TNFRSF1B: variants seen among roughly 807,000 people sequenced by gnomAD.
TNFRSF1B encodes tumor necrosis factor receptor superfamily member 1B.
In TNFRSF1B, 19 loss-of-function variants were observed where a neutral mutation model predicts 44.6. The ratio of observed to expected loss-of-function variants is 0.43; its 90% CI spans 0.30 to 0.62. TNFRSF1B has a LOEUF of 0.62. TNFRSF1B is among the 20% of genes least tolerant of loss of function. The probability of loss-of-function intolerance (pLI) is 0.16; values close to 1 mark genes in which losing one functional copy is unlikely to be tolerated. For missense variants in TNFRSF1B, 541 were observed against 619.9 expected, an observed-to-expected ratio of 0.87 and a Z score of 1.35; for synonymous variants, 252 against 261.1, an observed-to-expected ratio of 0.97 and a Z score of 0.34.
rs190536680 is a variant in TNFRSF1B at position 12,202,651 on chromosome 1, C to T, written c.1105+480C>T. Among the ~76,000 whole-genome samples, 16 of 152,342 alleles carry T rather than the reference C, an allele frequency of 1.1e-4. No homozygotes were observed. In the East Asian group the frequency reaches 2.7e-3, roughly 26 times the overall value. On this transcript the variant is annotated intron_variant, in intron 9 of 9. Coordinates refer to ENST00000376259, the MANE Select transcript of TNFRSF1B (RefSeq NM_001066.3). ...GCTACTGATAATTAATCATAACAATCGCTTCTACTTATGGAAGGCTACGGA... is the reference window on the plus strand; with the variant it reads ...GCTACTGATAATTAATCATAACAATTGCTTCTACTTATGGAAGGCTACGGA...
At chr1:12,203,101 T>A (rs951818308) in intron 9 of TNFRSF1B, among the ~76,000 whole-genome samples, 2 of 152,250 alleles carry the variant, frequency 1.3e-5, no homozygotes, top group Non-Finnish European at 2.9e-5. Flanking sequence ...TGTGCCTCTC[T>A]CCCTCTTACC....
Position 12,178,791 on chromosome 1 carries a change from A to G in TNFRSF1B, c.79-10005A>G, listed in dbSNP as rs1449856193. ...TTGTGACAGCAACAGGTGAGTGATG[A>G]ATACAGGTGGGAGATGCTGGCAGGG... On this transcript the variant is annotated intron_variant, in intron 1 of 9. Transcript: ENST00000376259. The surrounding 1 kb of genome is among the most constrained non-coding windows in gnomAD (Gnocchi z 4.3). Among the ~76,000 whole-genome samples the G allele has an allele frequency of 6.6e-6, 1 of 152,096 alleles. No homozygotes were observed. Among genetic ancestry groups the G allele is most frequent in the Non-Finnish European group, 1.5e-5 (1 of 68,012 alleles).
rs540655082 is a variant in TNFRSF1B at position 12,183,667 on chromosome 1, T to G, written c.79-5129T>G. Among the ~76,000 whole-genome samples the G allele has an allele frequency of 6.4e-3, 729 of 113,434 alleles. 10 individuals carry two copies. The highest frequency in any genetic ancestry group is 0.021 in the African/African-American group (699 of 32,736). The allele number at this position is 113,434 out of a possible 152,430, so 74.4% of individuals were successfully genotyped here. A position where few individuals can be genotyped will look rare whatever the true frequency, so the allele number is the denominator to read the frequency against. On this transcript the variant is annotated intron_variant, in intron 1 of 9. Transcript: ENST00000376259. Reference sequence around the variant, plus strand: ...CTATTTTATCTATTTTATCTATCTATCTATCTATCTATCTATCTATCTATC... The same window carrying G: ...CTATTTTATCTATTTTATCTATCTAGCTATCTATCTATCTATCTATCTATC...
At chr1:12,204,202 C>A (rs1006680255) in intron 9 of TNFRSF1B, among the ~76,000 whole-genome samples, 1 of 152,148 alleles carries the variant, frequency 6.6e-6, no homozygotes. Flanking sequence ...TCCCTCCCAC[C>A]CCTAACACCT....
rs138818318 is a variant in TNFRSF1B, at chr1:12,206,178, A to T, written c.1106-562A>T. Among the ~76,000 whole-genome samples the T allele has an allele frequency of 5.3e-3, 800 of 152,196 alleles. 2 individuals are homozygous for T. Among genetic ancestry groups the T allele is most frequent in the Non-Finnish European group, 8.4e-3 (571 of 68,012 alleles). ...TGAGGTAGGCAGATTCTTTGAGGTC[A>T]GGTGTTCGAGACCAACCCAGGCAAC... On this transcript the variant is annotated intron_variant, in intron 9 of 9. Transcript: ENST00000376259.
chr1:12,185,742 T>A (rs1367982954), intron 1 of TNFRSF1B, among the ~76,000 whole-genome samples: 2 of 152,130 alleles, frequency 1.3e-5, no homozygotes, highest in African/African-American at 4.8e-5. Flanking sequence ...TGGAGTTAGA[T>A]CCCTACAGGA....
chr1:12,187,208 C>A lies in TNFRSF1B; in HGVS notation c.79-1588C>A, dbSNP rs141710764. Among the ~76,000 whole-genome samples, 1 of 150,294 alleles carries A rather than the reference C, an allele frequency of 6.7e-6. No homozygotes were observed. Among genetic ancestry groups the A allele is most frequent in the Non-Finnish European group, 1.5e-5 (1 of 67,728 alleles). On this transcript the variant is annotated intron_variant, in intron 1 of 9. Transcript: ENST00000376259. The surrounding 1 kb of genome is among the most constrained non-coding windows in gnomAD (Gnocchi z 5.5). ...TGCTCTGTCAATTAGGCTGGAAGTGCAGTGGCATGATCTCAGCTCACTGCA... is the reference window on the plus strand; with the variant it reads ...TGCTCTGTCAATTAGGCTGGAAGTGAAGTGGCATGATCTCAGCTCACTGCA...
At chr1:12,198,747 G>A (rs1425757961) in intron 8 of TNFRSF1B, among the ~76,000 whole-genome samples, 9 of 146,540 alleles carry the variant, frequency 6.1e-5, no homozygotes, top group African/African-American at 2.3e-4. Context: ...CTGGAGTGCA[G>A]TGGCACAATC....
In TNFRSF1B at chr1:12,197,936, T is replaced by C. The variant is rs180950784; in HGVS notation, c.900+3318T>C. On this transcript the variant is annotated intron_variant, in intron 8 of 9. Coordinates refer to ENST00000376259, the MANE Select transcript of TNFRSF1B (RefSeq NM_001066.3). ...GTCAGGAGATCGAGACCATCCTGGC[T>C]AACACAGTGAAACCCCATCTCTACT... Among the ~76,000 whole-genome samples, 71 of 152,114 alleles carry C rather than the reference T, an allele frequency of 4.7e-4. 1 individual carries two copies. The East Asian group carries it at 0.011, about 24-fold the overall frequency.
chr1:12,195,370 G>A (rs1183075177), intron 8 of TNFRSF1B, among the ~76,000 whole-genome samples: 2 of 152,172 alleles, frequency 1.3e-5, no homozygotes, highest in Admixed American at 6.5e-5. Context: ...GGTGTCTGCT[G>A]GAATGGCCTC....
intron 8 of TNFRSF1B, among the ~76,000 whole-genome samples, chr1:12,200,850 T>A (rs1265377719): frequency 6.6e-6 from 1 of 152,012 alleles, no homozygotes; most frequent in Admixed American, 6.5e-5. Context: ...CCAACTCCCT[T>A]CCTCAGGTGA....
At position 12,167,008 on chromosome 1, in the gene TNFRSF1B, C is replaced by G. The variant is rs375496944; in HGVS notation, c.-84C>G. On this transcript the variant is annotated 5_prime_UTR_variant, in exon 1 of 10. Transcript: ENST00000376259. ...TCGCTTTCAGTCGAGGGCTAGCGAG[C>G]GCAGCGGAGCCTGGAGAGAAGGCGC... The G allele has an allele frequency of 9.6e-7, 1 of 1,040,292 alleles. No individual in the cohort carries two copies. Among genetic ancestry groups the G allele is most frequent in the African/African-American group, 1.7e-5 (1 of 59,844 alleles). 64.4% of individuals were successfully genotyped at this position (1,040,292 alleles called of 1,614,324 possible). A position where few individuals can be genotyped will look rare whatever the true frequency, so the allele number is the denominator to read the frequency against.
chr1:12,188,995 T>G (rs546458655), intron 2 of TNFRSF1B, 100 bp downstream of exon 2: 1 of 1,051,472 alleles, frequency 9.5e-7, no homozygotes, highest in African/African-American at 1.6e-5. Context: ...CTTACTGAAC[T>G]CCTAGTTCTA....
chr1:12,200,296 A>G (rs1309614593), intron 8 of TNFRSF1B, among the ~76,000 whole-genome samples: 1 of 152,092 alleles, frequency 6.6e-6, no homozygotes, highest in African/African-American at 2.4e-5. Flanking sequence ...AGAAGACATC[A>G]GGGGAAGTTG....
Position 12,192,869 on chromosome 1 carries a change from CGTG to C in TNFRSF1B, c.563_565del (p.Val188del), listed in dbSNP as rs771672384. 2 of 1,613,314 alleles carry C rather than the reference CGTG, an allele frequency of 1.2e-6. No homozygotes were observed. Among genetic ancestry groups the C allele is most frequent in the South Asian group, 1.1e-5 (1 of 91,002 alleles). On this transcript the variant is annotated inframe_deletion, in exon 6 of 10. Transcript: ENST00000376259. Reference sequence around the variant, plus strand: ...AAGCCTCCTCCTCCTCCAGCTGTAACGTGGTGGCCATCCCTGGGAATGCAAGCA... The same window carrying C: ...AAGCCTCCTCCTCCTCCAGCTGTAACGTGGCCATCCCTGGGAATGCAAGCA...
In TNFRSF1B at chr1:12,178,435, G is replaced by A. The variant is rs1404247407; in HGVS notation, c.79-10361G>A. On this transcript the variant is annotated intron_variant, in intron 1 of 9. Transcript: ENST00000376259. This position sits in a 1 kb window ranked among gnomAD's most constrained non-coding sequence, Gnocchi z 4.3. ...GCCATTTTATAGATGATAAAGTGGA[G>A]GTGGGGGAATGGCAGAACTGGGATC... Among the ~76,000 whole-genome samples the A allele has an allele frequency of 6.6e-6, 1 of 152,228 alleles. No homozygotes were observed. The highest frequency in any genetic ancestry group is 1.5e-5 in the Non-Finnish European group (1 of 68,042).
intron 1 of TNFRSF1B, among the ~76,000 whole-genome samples, chr1:12,181,009 G>A (rs1236107669): frequency 6.6e-6 from 1 of 152,116 alleles, no homozygotes; most frequent in African/African-American, 2.4e-5. Context: ...CTTCTCCTTT[G>A]CCCCACCGAA....
chr1:12,167,563 G>A, intron 1 of TNFRSF1B: 1 of 339,670 alleles, frequency 2.9e-6, no homozygotes, highest in Non-Finnish European at 5.7e-6. Flanking sequence ...CTCCCACGCG[G>A]TGGAGAAGGG....
intron 1 of TNFRSF1B, among the ~76,000 whole-genome samples, chr1:12,179,712 A>G (rs1227383099): frequency 5.3e-5 from 8 of 152,198 alleles, no homozygotes; most frequent in Admixed American, 5.2e-4. Flanking sequence ...AAACTGTCAG[A>G]GGGCACAGAG....
Sources: gnomAD v4.1 joint callset for allele counts (sites outside exome capture counted in the v4.1 genomes callset) on GRCh38, gnomAD v4.1.1 for gene constraint, Gnocchi (gnomAD v3.1) non-coding constraint, MANE v1.5 for transcripts, NCBI Gene and HGNC (gene_info 2026-07-23, HGNC 2026-07-21) for gene names.